Variants in ZMIZ1 observed in about 807,000 individuals in gnomAD.
ZMIZ1 encodes zinc finger MIZ-type containing 1, also known as zinc finger MIZ domain-containing protein 1.
In ZMIZ1, 17 loss-of-function variants were observed where a neutral mutation model predicts 113.9. The observed-to-expected ratio is 0.15, with a 90% CI of 0.10 to 0.22. ZMIZ1 has a LOEUF of 0.22. Among genes scored for constraint, ZMIZ1 ranks in the 10% least tolerant of loss-of-function variants. The probability of loss-of-function intolerance (pLI) is 1.00; values close to 1 mark genes in which losing one functional copy is unlikely to be tolerated. For synonymous variants in ZMIZ1, 607 were observed against 603.1 expected, an observed-to-expected ratio of 1.01 and a Z score of -0.09; for missense variants, 1,059 against 1,477.8, an observed-to-expected ratio of 0.72 and a Z score of 4.65.
intron 7 of ZMIZ1, among the ~76,000 whole-genome samples, chr10:79,274,980 G>A (rs1852182207): frequency 1.3e-5 from 2 of 152,340 alleles, no homozygotes; most frequent in South Asian, 2.1e-4. Context: ...GGCAGCAGGC[G>A]GCACCATCTG....
At chr10:79,311,288 G>C in intron 24 of ZMIZ1, 104 bp downstream of exon 24, 1 of 1,411,590 alleles carries the variant, frequency 7.1e-7, no homozygotes. Context: ...GAAGGGAGGA[G>C]GTGGGTGGGC....
At chr10:79,131,965 AG>A (rs1462435496) in intron 2 of ZMIZ1, among the ~76,000 whole-genome samples, 3 of 152,206 alleles carry the variant, frequency 2.0e-5, no homozygotes, top group African/African-American at 7.2e-5. Context: ...AGACCTTGCC[AG>A]GGCTGCTGAA....
intron 2 of ZMIZ1, among the ~76,000 whole-genome samples, chr10:79,137,892 C>T (rs1038623074): frequency 3.3e-5 from 5 of 152,218 alleles, no homozygotes; most frequent in African/African-American, 9.6e-5. Flanking sequence ...CAGGGCCTCT[C>T]GGCCCGGGCT....
chr10:79,147,474 G>A (rs1434389731), intron 3 of ZMIZ1, among the ~76,000 whole-genome samples: 5 of 152,172 alleles, frequency 3.3e-5, no homozygotes, highest in Non-Finnish European at 5.9e-5. Context: ...GTGGAAGCCA[G>A]GCCTCCCGTG....
intron 7 of ZMIZ1, among the ~76,000 whole-genome samples, chr10:79,275,768 C>G (rs1479256051): frequency 6.6e-6 from 1 of 152,236 alleles, no homozygotes; most frequent in Admixed American, 6.5e-5. Flanking sequence ...AGCAGGAGCA[C>G]TGTCTCTGTC....
intron 1 of ZMIZ1, among the ~76,000 whole-genome samples, chr10:79,074,493 A>G (rs1842405229): frequency 6.6e-6 from 1 of 152,222 alleles, no homozygotes; most frequent in Non-Finnish European, 1.5e-5. Flanking sequence ...TCGAGACACA[A>G]ATCCTGCCTT....
intron 1 of ZMIZ1, among the ~76,000 whole-genome samples, chr10:79,097,162 C>G (rs1288091133): frequency 6.6e-6 from 1 of 152,172 alleles, no homozygotes; most frequent in Non-Finnish European, 1.5e-5. Context: ...GTGGACATGC[C>G]TGTATCTGCT....
intron 3 of ZMIZ1, among the ~76,000 whole-genome samples, chr10:79,151,837 G>T (rs1417537559): frequency 6.6e-6 from 1 of 152,200 alleles, no homozygotes; most frequent in Non-Finnish European, 1.5e-5. Context: ...GAGCCAGGGT[G>T]GGGGCATTGG....
intron 3 of ZMIZ1, among the ~76,000 whole-genome samples, chr10:79,140,419 C>G (rs907690502): frequency 6.6e-6 from 1 of 152,198 alleles, no homozygotes; most frequent in Non-Finnish European, 1.5e-5. Context: ...AGCTTGGCTT[C>G]ATCCTATTTG....
chr10:79,156,251 G>C, intron 3 of ZMIZ1, among the ~76,000 whole-genome samples: 1 of 152,176 alleles, frequency 6.6e-6, no homozygotes, highest in Non-Finnish European at 1.5e-5. Context: ...TGGGTGGGGA[G>C]GGTAGTTCAG....
At chr10:79,194,709 C>T (rs1847759635) in intron 4 of ZMIZ1, among the ~76,000 whole-genome samples, 1 of 152,234 alleles carries the variant, frequency 6.6e-6, no homozygotes, top group East Asian at 1.9e-4. Flanking sequence ...CCGCTTCCCA[C>T]CCTGCTGCAT....
intron 1 of ZMIZ1, among the ~76,000 whole-genome samples, chr10:79,105,728 G>A (rs1843531080): frequency 6.6e-6 from 1 of 152,182 alleles, no homozygotes; most frequent in South Asian, 2.1e-4. Context: ...TGGTGAGTAA[G>A]GCTAATTTTG....
chr10:79,224,657 C>T (rs1188900686), intron 7 of ZMIZ1, among the ~76,000 whole-genome samples: 3 of 152,188 alleles, frequency 2.0e-5, no homozygotes, highest in Non-Finnish European at 4.4e-5. Flanking sequence ...TGCCGCCCCA[C>T]GGCCACCTGA....
At chr10:79,174,376 G>A (rs1219364136) in intron 4 of ZMIZ1, among the ~76,000 whole-genome samples, 1 of 152,188 alleles carries the variant, frequency 6.6e-6, no homozygotes, top group East Asian at 1.9e-4. Context: ...CCCAGTTGTC[G>A]GCTCCAAAGG....
rs145410108 is a variant in ZMIZ1, at chr10:79,173,800, C to T, written c.-50+11667C>T. ...GTATGAGTAAACTGAAGAACAGAGA[C>T]GCTAGGTAATATGCTCGTGATCACA... is the stretch of plus-strand genomic sequence containing the variant. On this transcript the variant is annotated intron_variant, in intron 4 of 24. Transcript: ENST00000334512. 4.8e-3 allele frequency among the ~76,000 whole-genome samples: 724 copies of T among 152,214 alleles called. 6 individuals are homozygous for T. Among genetic ancestry groups the T allele is most frequent in the African/African-American group, 0.017 (698 of 41,518 alleles).
intron 14 of ZMIZ1, 117 bp downstream of exon 14, chr10:79,297,807 C>A: frequency 1.2e-6 from 1 of 833,788 alleles, no homozygotes; most frequent in Non-Finnish European, 2.0e-6. Flanking sequence ...GGTGGGGGTG[C>A]ACTCCCTGGT....
In ZMIZ1 at chr10:79,254,971, C is replaced by T. The variant is rs566451393; in HGVS notation, c.281-22210C>T. Among the ~76,000 whole-genome samples, 8 of 152,224 alleles carry T rather than the reference C, an allele frequency of 5.3e-5. No homozygotes were observed. In the East Asian group the frequency reaches 5.8e-4, roughly 11 times the overall value. On this transcript the variant is annotated intron_variant, in intron 7 of 24. Transcript: ENST00000334512. The stretch of plus-strand genomic sequence containing the variant: ...CCTCAAGGTCTCCCTGAGCTGCCCA[C>T]GACAGCTGGTGCCTACTCGCACCCC...
At chr10:79,169,141 G>A (rs1385363392) in intron 4 of ZMIZ1, among the ~76,000 whole-genome samples, 1 of 152,182 alleles carries the variant, frequency 6.6e-6, no homozygotes, top group Non-Finnish European at 1.5e-5. Flanking sequence ...ACCTCCATCT[G>A]GCCCACCCTC....
At chr10:79,181,692 C>A in intron 4 of ZMIZ1, among the ~76,000 whole-genome samples, 1 of 151,840 alleles carries the variant, frequency 6.6e-6, no homozygotes, top group Non-Finnish European at 1.5e-5. Flanking sequence ...CTCTGGGCCT[C>A]ATCCTGCCTC....
Sources: allele counts gnomAD v4.1 joint callset (sites outside exome capture counted in the v4.1 genomes callset), GRCh38; gene constraint gnomAD v4.1.1; transcripts MANE v1.5; gene names NCBI Gene and HGNC (gene_info 2026-07-23, HGNC 2026-07-21).